SHANK2: variants seen among roughly 807,000 people sequenced by gnomAD.
The protein encoded by SHANK2 is SH3 and multiple ankyrin repeat domains 2.
In SHANK2, 43 loss-of-function variants were observed where a neutral mutation model predicts 133.7. The observed-to-expected ratio is 0.32, with a 90% confidence interval of 0.25 to 0.41. The LOEUF is 0.41. SHANK2 is among the 10% of genes least tolerant of loss of function. The pLI is 1.00. For synonymous variants in SHANK2, 1,017 were observed against 952.8 expected (o/e 1.07, Z -1.24); for missense variants, 1,994 against 2,235.8 (o/e 0.89, Z 2.18).
chr11:70,877,698 G>A (rs1949591242), intron 11 of SHANK2, among the ~76,000 whole-genome samples: 1 of 152,172 alleles, frequency 6.6e-6, no homozygotes, highest in Non-Finnish European at 1.5e-5. Flanking sequence ...CATGTCATTG[G>A]CTGGACTCCT....
intron 3 of SHANK2, among the ~76,000 whole-genome samples, chr11:71,134,804 C>T (rs1463306978): frequency 2.0e-5 from 3 of 152,158 alleles, no homozygotes; most frequent in Non-Finnish European, 4.4e-5. Flanking sequence ...CATAGGGAAG[C>T]GTCTGTGGGT....
chr11:70,892,416 C>A (rs894277624), intron 11 of SHANK2, among the ~76,000 whole-genome samples: 2 of 152,188 alleles, frequency 1.3e-5, no homozygotes, highest in African/African-American at 2.4e-5. Context: ...CCTCTGGCCA[C>A]CTTCCCAGCT....
intron 14 of SHANK2, among the ~76,000 whole-genome samples, chr11:70,726,132 C>T (rs1001294284): frequency 1.2e-4 from 18 of 152,124 alleles, no homozygotes; most frequent in Non-Finnish European, 1.8e-4. Context: ...CCTACTTCCC[C>T]GCTTTAGGGA....
At chr11:71,073,813 G>T (rs1006555327) in intron 9 of SHANK2, among the ~76,000 whole-genome samples, 2 of 152,100 alleles carry the variant, frequency 1.3e-5, no homozygotes, top group Non-Finnish European at 2.9e-5. Flanking sequence ...CCTGGTGGGG[G>T]TACCAGAACT....
chr11:70,795,999 A>T (rs1360846893), intron 14 of SHANK2, among the ~76,000 whole-genome samples: 2 of 152,076 alleles, frequency 1.3e-5, no homozygotes, highest in Admixed American at 1.3e-4. Flanking sequence ...CTGGAGCAAG[A>T]TCACCCTTCT....
intron 15 of SHANK2, among the ~76,000 whole-genome samples, chr11:70,695,225 G>A (rs1017702440): frequency 6.6e-6 from 1 of 152,174 alleles, no homozygotes; most frequent in African/African-American, 2.4e-5. Flanking sequence ...GACCTCTGGA[G>A]CTGGACGGTG....
rs535722050 is a variant in SHANK2 at position 70,733,295 on chromosome 11, A to C, written c.1778-34532T>G. Among the ~76,000 whole-genome samples the C allele has an allele frequency of 2.9e-3, 447 of 152,318 alleles. 1 individual carries two copies. Among genetic ancestry groups the C allele is most frequent in the Non-Finnish European group, 4.2e-3 (289 of 68,026 alleles). On this transcript the variant is annotated intron_variant, in intron 14 of 25. Transcript: ENST00000601538. The stretch of plus-strand genomic sequence containing the variant: ...AAGCAAAGGCCCAGAGGTGTGAAAA[A>C]GTTTAGTATGTTTACACAGAAGCAA...
At position 71,196,170 on chromosome 11, in the gene SHANK2, T is replaced by C. The variant is rs183083882; in HGVS notation, c.-13+28527A>G. 4.9e-4 allele frequency among the ~76,000 whole-genome samples: 74 copies of C among 151,884 alleles called. 1 individual carries two copies. The highest frequency in any genetic ancestry group is 1.6e-3 in the African/African-American group (65 of 41,458). On this transcript the variant is annotated intron_variant, in intron 2 of 25. Transcript: ENST00000601538. ...CACCACTGCACTCCAACCTGGGCAA[T>C]AGAGCAAGACCCTGTCTCAAAAATA...
At chr11:70,753,936 T>C (rs1946807490) in intron 14 of SHANK2, among the ~76,000 whole-genome samples, 1 of 150,766 alleles carries the variant, frequency 6.6e-6, no homozygotes, top group Non-Finnish European at 1.5e-5. Context: ...CTCAGCCTCC[T>C]CAGCAGCTAA....
Position 70,500,797 on chromosome 11 carries a change from T to C in SHANK2, c.2288-207A>G, listed in dbSNP as rs1555158303. 1.4e-6 allele frequency: 1 copy of C among 733,994 alleles called. No homozygotes were observed. Among genetic ancestry groups the C allele is most frequent in the Admixed American group, 2.0e-5 (1 of 49,982 alleles). The allele number at this position is 733,994 out of a possible 1,614,324, so 45.5% of individuals were successfully genotyped here. ...CAAACCTTGGCTGCCCGCACAACTC[T>C]GTCCTGTCTGCCCTGCTCGTTAACC... is the stretch of plus-strand genomic sequence containing the variant. On this transcript the variant is annotated intron_variant, in intron 20 of 25. Coordinates refer to ENST00000601538, the MANE Select transcript of SHANK2 (RefSeq NM_012309.5). The surrounding 1 kb of genome is among the most constrained non-coding windows in gnomAD (Gnocchi z 4.5).
At chr11:71,070,421 A>C (rs1951127806) in intron 9 of SHANK2, among the ~76,000 whole-genome samples, 1 of 152,222 alleles carries the variant, frequency 6.6e-6, no homozygotes, top group East Asian at 1.9e-4. Context: ...GCTGGAAATC[A>C]AAACCAGGGG....
chr11:70,646,487 T>C (rs541411225), intron 17 of SHANK2, among the ~76,000 whole-genome samples: 1 of 152,326 alleles, frequency 6.6e-6, no homozygotes, highest in East Asian at 1.9e-4. Flanking sequence ...CTTCCTTCAG[T>C]TTGACAATAG....
intron 2 of SHANK2, among the ~76,000 whole-genome samples, chr11:71,171,084 G>A (rs1001470135): frequency 2.0e-5 from 3 of 152,174 alleles, no homozygotes; most frequent in African/African-American, 4.8e-5. Context: ...GCACGGCCTC[G>A]TCTTTTTGCA....
intron 10 of SHANK2, among the ~76,000 whole-genome samples, chr11:70,908,855 C>T (rs983640917): frequency 6.6e-6 from 1 of 152,198 alleles, no homozygotes; most frequent in Non-Finnish European, 1.5e-5. Context: ...TCCATTTAGT[C>T]GTTCAGTTTC....
chr11:71,129,919 A>C (rs1555103411), intron 3 of SHANK2, among the ~76,000 whole-genome samples: 2 of 152,198 alleles, frequency 1.3e-5, no homozygotes, highest in African/African-American at 4.8e-5. Context: ...GGAAGCCATA[A>C]GTCTGAGATC....
At chr11:71,217,813 G>A (rs1469295992) in intron 2 of SHANK2, among the ~76,000 whole-genome samples, 1 of 152,238 alleles carries the variant, frequency 6.6e-6, no homozygotes, top group African/African-American at 2.4e-5. Flanking sequence ...CTGACAATGT[G>A]TGTTTTAAGC....
intron 10 of SHANK2, among the ~76,000 whole-genome samples, chr11:70,912,164 A>AGGT (rs1950203481): frequency 6.6e-6 from 1 of 151,420 alleles, no homozygotes; most frequent in South Asian, 2.1e-4. Context: ...CAGCTTATGA[A>AGGT]GGTGGTGGTG....
intron 11 of SHANK2, among the ~76,000 whole-genome samples, chr11:70,827,280 A>G (rs1555057408): frequency 6.9e-6 from 1 of 145,850 alleles, no homozygotes; most frequent in Non-Finnish European, 1.5e-5. Flanking sequence ...TTTTTTTTTA[A>G]AGAGAGAGAT....
At chr11:70,852,296 G>A (rs1350729455) in intron 11 of SHANK2, among the ~76,000 whole-genome samples, 2 of 152,212 alleles carry the variant, frequency 1.3e-5, no homozygotes, top group African/African-American at 4.8e-5. Context: ...TATTGGGAGA[G>A]CGAGGAACGT....
Sources: gnomAD v4.1 joint callset for allele counts (sites outside exome capture counted in the v4.1 genomes callset) on GRCh38, gnomAD v4.1.1 for gene constraint, Gnocchi (gnomAD v3.1) non-coding constraint, MANE v1.5 for transcripts, NCBI Gene and HGNC (gene_info 2026-07-23, HGNC 2026-07-21) for gene names.